Variants in STOX2 observed in about 807,000 individuals in gnomAD.
STOX2 encodes the protein storkhead-box protein 2.
STOX2 carries 28 observed loss-of-function variants against 60.9 expected under a neutral mutation model. The ratio of observed to expected loss-of-function variants is 0.46; its 90% CI spans 0.34 to 0.63. The LOEUF is 0.63. Among genes scored for constraint, STOX2 ranks in the 30% least tolerant of loss-of-function variants. STOX2 has a pLI of 0.01. For missense variants in STOX2, 1,024 were observed against 1,187.7 expected, an observed-to-expected ratio of 0.86 and a Z score of 2.03; for synonymous variants, 472 against 463.9, an observed-to-expected ratio of 1.02 and a Z score of -0.22.
At chr4:183,842,030 G>C (rs1016772701) in intron 1 of STOX2, among the ~76,000 whole-genome samples, 2 of 152,190 alleles carry the variant, frequency 1.3e-5, no homozygotes, top group South Asian at 4.1e-4. Flanking sequence ...AGAAAAGTTA[G>C]ATGGATAATG....
At chr4:183,803,026 A>C (rs1384711781) in intron 1 of STOX2, among the ~76,000 whole-genome samples, 4 of 152,232 alleles carry the variant, frequency 2.6e-5, no homozygotes, top group African/African-American at 2.4e-5. Flanking sequence ...TGGCTGGGGA[A>C]GCCTCACAAT....
chr4:183,918,286 T>C (rs1741989100), intron 1 of STOX2, among the ~76,000 whole-genome samples: 1 of 152,262 alleles, frequency 6.6e-6, no homozygotes, highest in South Asian at 2.1e-4. Flanking sequence ...TGGGCTCATT[T>C]GTCCTTGAAC....
chr4:183,819,138 G>A (rs554416952), intron 1 of STOX2, among the ~76,000 whole-genome samples: 88 of 152,254 alleles, frequency 5.8e-4, no homozygotes, highest in East Asian at 5.6e-3. Flanking sequence ...CTTCCCAGAG[G>A]GGGTGGCAGC....
intron 1 of STOX2, among the ~76,000 whole-genome samples, chr4:183,946,635 T>C (rs116765235): frequency 0.31 from 45,848 of 149,470 alleles, 7,760 homozygotes; most frequent in Middle Eastern, 0.38. Context: ...TGGTTTTTTT[T>C]TTTTTTTTGT....
At position 184,009,587 on chromosome 4, in the gene STOX2, CAG is replaced by C; in HGVS notation, c.751_752del (p.Glu251AsnfsTer6). On this transcript the variant is annotated frameshift_variant, in exon 3 of 4. Coordinates refer to ENST00000308497, the MANE Select transcript of STOX2 (RefSeq NM_020225.3). LOFTEE classifies it high-confidence loss of function. The surrounding 1 kb of genome is among the most constrained non-coding windows in gnomAD (Gnocchi z 4.0). Reference sequence around the variant, plus strand: ...AGTACTGTAAATTTTTCCTATAAGACAGAAACTCTCTCAAAACCTAAAGATAG... The same window carrying C: ...AGTACTGTAAATTTTTCCTATAAGACAAACTCTCTCAAAACCTAAAGATAG... 1 of 1,613,888 alleles carries C rather than the reference CAG, an allele frequency of 6.2e-7. No individual in the cohort carries two copies. Among genetic ancestry groups the C allele is most frequent in the Non-Finnish European group, 8.5e-7 (1 of 1,179,828 alleles).
chr4:183,991,195 T>C (rs1733090529), intron 1 of STOX2, among the ~76,000 whole-genome samples: 1 of 152,208 alleles, frequency 6.6e-6, no homozygotes. Context: ...AATGCATGTT[T>C]GCACTCCCAG....
At chr4:183,883,140 C>G (rs1176853405) in intron 1 of STOX2, among the ~76,000 whole-genome samples, 2 of 152,052 alleles carry the variant, frequency 1.3e-5, no homozygotes, top group Non-Finnish European at 2.9e-5. Flanking sequence ...CCTCCTCCCC[C>G]CAATTATTTT....
At chr4:183,916,864 C>T (rs1191574761) in intron 1 of STOX2, among the ~76,000 whole-genome samples, 3 of 152,210 alleles carry the variant, frequency 2.0e-5, no homozygotes, top group Non-Finnish European at 4.4e-5. Flanking sequence ...ACCCTCTTCC[C>T]TCTACTTCCT....
At chr4:183,899,856 G>A (rs970002467) in intron 1 of STOX2, among the ~76,000 whole-genome samples, 2 of 152,190 alleles carry the variant, frequency 1.3e-5, no homozygotes, top group Non-Finnish European at 2.9e-5. Context: ...GGAAAGAGAT[G>A]CCATCTAGGA....
intron 1 of STOX2, among the ~76,000 whole-genome samples, chr4:183,939,922 T>C (rs1312028415): frequency 6.6e-6 from 1 of 152,136 alleles, no homozygotes; most frequent in Non-Finnish European, 1.5e-5. Flanking sequence ...TTTTTTTCTT[T>C]TAATGGAATC....
chr4:183,867,485 G>A (rs911832269), intron 1 of STOX2, among the ~76,000 whole-genome samples: 49 of 152,292 alleles, frequency 3.2e-4, no homozygotes, highest in African/African-American at 1.1e-3. Flanking sequence ...TTCAGCGAAT[G>A]CTGTGTTTCA....
chr4:183,924,533 G>A (rs1742187339), intron 1 of STOX2, among the ~76,000 whole-genome samples: 1 of 152,174 alleles, frequency 6.6e-6, no homozygotes, highest in Non-Finnish European at 1.5e-5. Context: ...CAAGAGAGAG[G>A]AGGGGCTGGG....
chr4:183,941,819 GT>G (rs1490896714), intron 1 of STOX2, among the ~76,000 whole-genome samples: 1 of 152,128 alleles, frequency 6.6e-6, no homozygotes, highest in African/African-American at 2.4e-5. Flanking sequence ...TCAATATGTT[GT>G]GAATATTTTA....
chr4:183,887,125 G>A (rs749528462), intron 1 of STOX2, among the ~76,000 whole-genome samples: 22 of 152,212 alleles, frequency 1.4e-4, no homozygotes, highest in South Asian at 2.1e-4. Flanking sequence ...TTAGTCTGGC[G>A]TAGTGGTGCA....
chr4:183,901,544 G>T (rs545415429), upstream of STOX2, among the ~76,000 whole-genome samples: 1 of 151,304 alleles, frequency 6.6e-6, no homozygotes, highest in South Asian at 2.1e-4. Flanking sequence ...GTGCACAAAG[G>T]TTCCAGTTTC....
rs565383392 is a variant in STOX2, at chr4:183,865,577, G to A, written c.364+67522G>A. Among the ~76,000 whole-genome samples the A allele has an allele frequency of 1.1e-3, 164 of 152,292 alleles. No homozygotes were observed. The highest frequency in any genetic ancestry group is 3.7e-3 in the African/African-American group (153 of 41,572). On this transcript the variant is annotated intron_variant, in intron 1 of 2. Transcript: ENST00000513034. This position sits in a 1 kb window ranked among gnomAD's most constrained non-coding sequence, Gnocchi z 4.1. ...AAAGCATTATAGGATACAGGAATGA[G>A]GATGGCTAATTTCAGGTGAGTCTGC...
intron 1 of STOX2, among the ~76,000 whole-genome samples, chr4:183,895,102 A>T (rs936198547): frequency 6.6e-6 from 1 of 152,168 alleles, no homozygotes; most frequent in African/African-American, 2.4e-5. Context: ...GCGGACTAGG[A>T]TGTCAAGAAT....
chr4:183,866,916 G>T (rs1035012802), intron 1 of STOX2, among the ~76,000 whole-genome samples: 5 of 152,086 alleles, frequency 3.3e-5, no homozygotes, highest in African/African-American at 1.2e-4. Flanking sequence ...AAAGAACAAT[G>T]TATTTTATTT....
At chr4:183,962,763 G>A (rs1743449945) in intron 1 of STOX2, among the ~76,000 whole-genome samples, 1 of 152,184 alleles carries the variant, frequency 6.6e-6, no homozygotes, top group Non-Finnish European at 1.5e-5. Context: ...AATACTGATG[G>A]TCTGTGAAGT....
Sources: gnomAD v4.1 joint callset for allele counts (sites outside exome capture counted in the v4.1 genomes callset) on GRCh38, gnomAD v4.1.1 for gene constraint, Gnocchi (gnomAD v3.1) non-coding constraint, MANE v1.5 for transcripts, NCBI Gene and HGNC (gene_info 2026-07-23, HGNC 2026-07-21) for gene names.